CPSF3: variants seen among roughly 807,000 people sequenced by gnomAD.
The protein encoded by CPSF3 is cleavage and polyadenylation specificity factor subunit 3.
Under a neutral mutation model 84.1 loss-of-function variants are expected in CPSF3, and 57 were observed. The ratio of observed to expected loss-of-function variants is 0.68; its 90% confidence interval spans 0.55 to 0.85. The LOEUF (loss-of-function observed/expected upper bound fraction) is 0.85, where lower values mean the gene tolerates loss of function less well. CPSF3 is among the 40% of genes least tolerant of loss of function. The pLI is 0.00. For synonymous variants in CPSF3, 275 were observed against 278.1 expected, an observed-to-expected ratio of 0.99 and a Z score of 0.11; for missense variants, 522 against 838.8, an observed-to-expected ratio of 0.62 and a Z score of 4.66.
intron 1 of CPSF3, among the ~76,000 whole-genome samples, chr2:9,427,938 A>C (rs1185513009): frequency 6.6e-6 from 1 of 152,162 alleles, no homozygotes; most frequent in Non-Finnish European, 1.5e-5. Context: ...GAAATAACAG[A>C]AAGTAGAAGA....
chr2:9,466,771 T>G (rs1681996130), intron 15 of CPSF3, among the ~76,000 whole-genome samples: 1 of 152,230 alleles, frequency 6.6e-6, no homozygotes, highest in South Asian at 2.1e-4. Flanking sequence ...ATATATAGCC[T>G]TTGATGACTG....
At chr2:9,447,142 A>G (rs1370361173) in intron 10 of CPSF3, among the ~76,000 whole-genome samples, 1 of 152,198 alleles carries the variant, frequency 6.6e-6, no homozygotes, top group Non-Finnish European at 1.5e-5. Context: ...CTCTCTTTAA[A>G]TAAAGAAATA....
In CPSF3 at chr2:9,432,526, C is replaced by G; in HGVS notation, c.357C>G (p.Asp119Glu). 1 of 1,517,974 alleles carries G rather than the reference C, an allele frequency of 6.6e-7. No homozygotes were observed. Among genetic ancestry groups the G allele is most frequent in the East Asian group, 2.3e-5 (1 of 43,490 alleles). The allele number at this position is 1,517,974 out of a possible 1,614,324, so 94.0% of individuals were successfully genotyped here. A position where few individuals can be genotyped will look rare whatever the true frequency, so the allele number is the denominator to read the frequency against. The change falls in exon 5 of 18, where the codon GAC becomes GAG. Residue 119 changes from aspartate (D) to glutamate (E), a missense_variant. Coordinates refer to ENST00000238112, the MANE Select transcript of CPSF3 (RefSeq NM_016207.4). The part of the protein sequence containing the change: ...DYVKVSNISA[D>E]DMLYTETDLE... ...CAAAATTTAGTAACATATCAGCAGA[C>G]GACATGCTGTATACCGAGACAGATT... is the stretch of plus-strand genomic sequence containing the variant.
At chr2:9,436,774 A>AAAAAAAAAAATAAAAAATAAT (rs139337028) in intron 7 of CPSF3, among the ~76,000 whole-genome samples, 19,711 of 141,768 alleles carry the variant, frequency 0.14, 1,655 homozygotes, top group Middle Eastern at 0.26. Context: ...CCATCTCAAA[A>AAAAAAAAAAATAAAAAATAAT]AATAATAATA....
chr2:9,434,754 G>A (rs987315204), intron 6 of CPSF3, among the ~76,000 whole-genome samples: 15 of 152,178 alleles, frequency 9.9e-5, no homozygotes, highest in Admixed American at 4.6e-4. Flanking sequence ...GAAGCTCTTT[G>A]GGGGCAGCTT....
intron 15 of CPSF3, among the ~76,000 whole-genome samples, chr2:9,466,338 ACACGCGCG>A (rs1285377547): frequency 0.024 from 2,898 of 118,334 alleles, 47 homozygotes; most frequent in Non-Finnish European, 0.033. Flanking sequence ...ACGCACGCAC[ACACGCGCG>A]CGCGCGCACA....
intron 15 of CPSF3, among the ~76,000 whole-genome samples, chr2:9,465,040 G>A (rs964520720): frequency 6.6e-6 from 1 of 152,068 alleles, no homozygotes; most frequent in African/African-American, 2.4e-5. Context: ...TGAAATTCAC[G>A]AATTAAAAAG....
chr2:9,441,648 C>T, intron 8 of CPSF3, 170 bp from the exon 9 acceptor site: 1 of 668,078 alleles, frequency 1.5e-6, no homozygotes. Flanking sequence ...CATTCCTAGC[C>T]TAAACTGTTT....
At chr2:9,444,282 C>G (rs904775681) in intron 10 of CPSF3, among the ~76,000 whole-genome samples, 1 of 151,302 alleles carries the variant, frequency 6.6e-6, no homozygotes, top group African/African-American at 2.4e-5. Context: ...TGCCCACCAC[C>G]ACACCCGGCT....
intron 16 of CPSF3, among the ~76,000 whole-genome samples, chr2:9,468,877 T>A (rs537498840): frequency 6.6e-6 from 1 of 152,120 alleles, no homozygotes. Context: ...CCACCTGCCT[T>A]GGTCTCCCAA....
chr2:9,468,216 T>TTTTTATTTTA (rs913111256), intron 16 of CPSF3, among the ~76,000 whole-genome samples: 1 of 152,194 alleles, frequency 6.6e-6, no homozygotes, highest in East Asian at 1.9e-4. Flanking sequence ...TAAGTATTTC[T>TTTTTATTTTA]TTTTATTTTA....
intron 16 of CPSF3, among the ~76,000 whole-genome samples, chr2:9,468,293 A>G (rs1297386455): frequency 6.6e-6 from 1 of 152,086 alleles, no homozygotes; most frequent in Non-Finnish European, 1.5e-5. Context: ...ATACAGTGGC[A>G]TGATCTTGGC....
chr2:9,451,794 G>A (rs1037404649), intron 11 of CPSF3, among the ~76,000 whole-genome samples: 9 of 147,474 alleles, frequency 6.1e-5, no homozygotes, highest in Non-Finnish European at 1.5e-5. Flanking sequence ...TCAGCTCACT[G>A]CAAGCTCCGC....
At chr2:9,466,089 C>G (rs895991960) in intron 15 of CPSF3, among the ~76,000 whole-genome samples, 8 of 152,144 alleles carry the variant, frequency 5.3e-5, no homozygotes, top group African/African-American at 1.9e-4. Context: ...ACCTGTAATC[C>G]CAGCACTTTG....
chr2:9,446,633 C>CCTGTATCCCA lies in CPSF3; in HGVS notation c.1243-1564_1243-1555dup, dbSNP rs1681136691. On this transcript the variant is annotated intron_variant, in intron 10 of 17. Transcript: ENST00000238112. ...AATTAGGTAGGCATGGTGGTTCACACCTGTATCCCAGCTACTTGGAGGCTG... is the reference window on the plus strand; with the variant it reads ...AATTAGGTAGGCATGGTGGTTCACACCTGTATCCCACTGTATCCCAGCTACTTGGAGGCTG... Among the ~76,000 whole-genome samples the CCTGTATCCCA allele has an allele frequency of 1.3e-5, 2 of 150,390 alleles. 1 individual carries two copies. Among genetic ancestry groups the CCTGTATCCCA allele is most frequent in the South Asian group, 4.2e-4 (2 of 4,716 alleles).
chr2:9,451,867 C>G (rs1681342275), intron 11 of CPSF3, among the ~76,000 whole-genome samples: 2 of 151,930 alleles, frequency 1.3e-5, no homozygotes, highest in Non-Finnish European at 2.9e-5. Context: ...CAGGCGCCCG[C>G]CACCACGGCC....
chr2:9,470,891 G>C (rs1056982369), intron 16 of CPSF3, among the ~76,000 whole-genome samples: 5 of 152,354 alleles, frequency 3.3e-5, no homozygotes, highest in Admixed American at 1.3e-4. Context: ...TTAATAAGCT[G>C]TATCAAGGCA....
rs552335412 is a variant in CPSF3 at position 9,466,422 on chromosome 2, G to A, written c.1787-1285G>A. 2.3e-3 allele frequency among the ~76,000 whole-genome samples: 317 copies of A among 140,346 alleles called. 7 individuals carry two copies. Among genetic ancestry groups the A allele is most frequent in the Admixed American group, 0.012 (168 of 13,736 alleles). 92.1% of individuals were successfully genotyped at this position (140,346 alleles called of 152,430 possible). A position where few individuals can be genotyped will look rare whatever the true frequency, so the allele number is the denominator to read the frequency against. Reference sequence around the variant, plus strand: ...CACACGCACGCGCACACACGCACACGCGCACACACGCGCACACACACAAAA... The same window carrying A: ...CACACGCACGCGCACACACGCACACACGCACACACGCGCACACACACAAAA... On this transcript the variant is annotated intron_variant, in intron 15 of 17. Transcript: ENST00000238112.
intron 11 of CPSF3, among the ~76,000 whole-genome samples, chr2:9,448,890 C>G (rs1416502177): frequency 6.6e-6 from 1 of 152,054 alleles, no homozygotes; most frequent in Non-Finnish European, 1.5e-5. Context: ...TCTCATAGCT[C>G]TTTAATCCAT....
Sources: allele counts gnomAD v4.1 joint callset (sites outside exome capture counted in the v4.1 genomes callset), GRCh38; gene constraint gnomAD v4.1.1; transcripts MANE v1.5; gene names NCBI Gene and HGNC (gene_info 2026-07-23, HGNC 2026-07-21).